Variants in SLC26A9 observed in about 807,000 individuals in gnomAD.
SLC26A9 encodes the protein anion transporter/exchanger protein 9.
Under a neutral mutation model 87.1 loss-of-function variants are expected in SLC26A9, and 46 were observed. The ratio of observed to expected loss-of-function variants is 0.53; its 90% CI spans 0.42 to 0.67. SLC26A9 has a LOEUF of 0.67. Among genes scored for constraint, SLC26A9 ranks in the 30% least tolerant of loss-of-function variants. The pLI is 0.00. For synonymous variants in SLC26A9, 437 were observed against 409.1 expected, an observed-to-expected ratio of 1.07 and a Z score of -0.82; for missense variants, 927 against 1,018.3, an observed-to-expected ratio of 0.91 and a Z score of 1.22.
At chr1:205,931,785 A>C in intron 5 of SLC26A9, 75 bp downstream of exon 5, 1 of 1,517,310 alleles carries the variant, frequency 6.6e-7, no homozygotes, top group Non-Finnish European at 8.9e-7. Context: ...CAGATTTAGC[A>C]TCAAAGCTAA....
chr1:205,921,430 A>T (rs1380196777), intron 17 of SLC26A9, 136 bp downstream of exon 17: 1 of 1,161,478 alleles, frequency 8.6e-7, no homozygotes, highest in Non-Finnish European at 1.2e-6. Context: ...GAAAGGAGGG[A>T]TTCCTAGGAG....
intron 8 of SLC26A9, 177 bp from the exon 9 acceptor site, chr1:205,928,226 C>T (rs1400444973): frequency 4.0e-6 from 3 of 750,644 alleles, no homozygotes; most frequent in African/African-American, 1.8e-5. Context: ...ACCATCACTC[C>T]TGTTTTACAA....
chr1:205,940,471 G>A (rs1310628746), intron 1 of SLC26A9, among the ~76,000 whole-genome samples: 1 of 152,116 alleles, frequency 6.6e-6, no homozygotes, highest in Non-Finnish European at 1.5e-5. Context: ...TGAAAGGCTC[G>A]GAACGGCACC....
In SLC26A9 at chr1:205,938,800, C is replaced by T. The variant is rs539430775; in HGVS notation, c.-18-2962G>A. Among the ~76,000 whole-genome samples, 4 of 152,322 alleles carry T rather than the reference C, an allele frequency of 2.6e-5. No homozygotes were observed. The East Asian group carries it at 7.7e-4, about 29-fold the overall frequency. ...AAACCCTGAAGGATTTCTCTTTCTC[C>T]CAGGATCTCCATGTGCACCCCTCCA... On this transcript the variant is annotated intron_variant, in intron 1 of 20. Coordinates refer to ENST00000367135, the MANE Select transcript of SLC26A9 (RefSeq NM_052934.4).
chr1:205,926,460 C>CAGCCCAT, intron 12 of SLC26A9, 75 bp downstream of exon 12: 2 of 1,221,714 alleles, frequency 1.6e-6, no homozygotes, highest in Non-Finnish European at 2.4e-6. Context: ...ATTGTTAGGA[C>CAGCCCAT]AGGGCTGACA....
At chr1:205,915,929 A>G (rs1332599946) in intron 20 of SLC26A9, among the ~76,000 whole-genome samples, 1 of 152,124 alleles carries the variant, frequency 6.6e-6, no homozygotes, top group East Asian at 1.9e-4. Context: ...GCTCAATGTC[A>G]AAAAGAATGG....
chr1:205,938,682 A>G (rs1659616420), intron 1 of SLC26A9, among the ~76,000 whole-genome samples: 1 of 151,912 alleles, frequency 6.6e-6, no homozygotes, highest in African/African-American at 2.4e-5. Flanking sequence ...CCCATCCTTA[A>G]GACCTGTTGA....
chr1:205,929,340 C>A lies in SLC26A9; in HGVS notation c.734G>T (p.Cys245Phe). 1 of 1,614,030 alleles carries A rather than the reference C, an allele frequency of 6.2e-7. No individual in the cohort carries two copies. The highest frequency in any genetic ancestry group is 1.3e-5 in the African/African-American group (1 of 75,052). Reference sequence around the variant, plus strand: ...GATGTTGGTGTGGGGGAGGTTTTTGCAAATGTCAATGAAGGTCTGGGGGAA... The same window carrying A: ...GATGTTGGTGTGGGGGAGGTTTTTGAAAATGTCAATGAAGGTCTGGGGGAA... ...GSIVFTFIDI[C>F]KNLPHTNIAS... is the part of the protein sequence containing the mutation. The change falls in exon 7 of 21, where the codon TGC (cysteine) becomes TTC (phenylalanine). Residue 245 changes from cysteine to phenylalanine, a missense_variant. Physicochemically the swap from Cys to Phe is radical, Grantham distance 205. Transcript: ENST00000367135.
chr1:205,924,733 C>T, intron 12 of SLC26A9: 1 of 473,016 alleles, frequency 2.1e-6, no homozygotes, highest in Non-Finnish European at 3.8e-6. Context: ...AGCCCCAGCA[C>T]ACAGGGAGGT....
intron 6 of SLC26A9, 131 bp from the exon 7 acceptor site, chr1:205,929,487 T>C: frequency 2.2e-6 from 3 of 1,389,448 alleles, no homozygotes; most frequent in Non-Finnish European, 2.9e-6. Flanking sequence ...ATTAAAACCC[T>C]GATCAGGAAC....
chr1:205,936,909 G>A (rs1040393741), intron 1 of SLC26A9, among the ~76,000 whole-genome samples: 3 of 152,180 alleles, frequency 2.0e-5, no homozygotes, highest in African/African-American at 7.2e-5. Context: ...AATGCCTTTT[G>A]TGGAAGGGTC....
In SLC26A9 at chr1:205,915,518, C is replaced by CTGTGTGTGTGTGTG. The variant is rs113527464; in HGVS notation, c.2329-128_2329-115dup. 33 of 870,218 alleles carry CTGTGTGTGTGTGTG rather than the reference C, an allele frequency of 3.8e-5. No homozygotes were observed. The African/African-American group carries it at 5.4e-4, about 14-fold the overall frequency. 53.9% of individuals were successfully genotyped at this position (870,218 alleles called of 1,614,324 possible). A position where few individuals can be genotyped will look rare whatever the true frequency, so the allele number is the denominator to read the frequency against. On this transcript the variant is annotated intron_variant, in intron 20 of 20. Coordinates refer to ENST00000367135, the MANE Select transcript of SLC26A9 (RefSeq NM_052934.4). ...GGAACCCCTGGCCAGAACAAAGCAC[C>CTGTGTGTGTGTGTG]TGTGTGTGTGTGTGTGTGTGTGTGT...
At position 205,927,243 on chromosome 1, in the gene SLC26A9, C is replaced by G. The variant is rs536916416; in HGVS notation, c.1261G>C (p.Val421Leu). The G allele has an allele frequency of 1.7e-5, 27 of 1,613,992 alleles. No individual in the cohort carries two copies. Among genetic ancestry groups the G allele is most frequent in the Non-Finnish European group, 2.2e-5 (26 of 1,180,028 alleles). ...VSLVVMITML[V>L]LGIYLYPLPK... Reference sequence around the variant, plus strand: ...AGAGGATACAGATAGATCCCCAGGACCAGCATGGTGATCATCACCACCAGA... The same window carrying G: ...AGAGGATACAGATAGATCCCCAGGAGCAGCATGGTGATCATCACCACCAGA... The change falls in exon 11 of 21, where the codon GTC (valine) becomes CTC (leucine). Residue 421 changes from valine (V) to leucine (L), a missense_variant. By Grantham distance (32) the Val-to-Leu change is conservative (BLOSUM62 1). Coordinates refer to ENST00000367135, the MANE Select transcript of SLC26A9 (RefSeq NM_052934.4).
At chr1:205,933,203 T>A in intron 2 of SLC26A9, 119 bp from the exon 3 acceptor site, 1 of 1,416,858 alleles carries the variant, frequency 7.1e-7, no homozygotes, top group South Asian at 1.3e-5. Context: ...TTCACTGAAC[T>A]GTGTGCCAGG....
intron 18 of SLC26A9, 55 bp downstream of exon 18, chr1:205,920,121 C>A (rs1353630161): frequency 7.5e-6 from 12 of 1,607,296 alleles, no homozygotes; most frequent in Admixed American, 3.3e-5. Context: ...CCAACCTGTT[C>A]CTACCCCACA....
At chr1:205,918,389 CA>C (rs1658682232) in intron 19 of SLC26A9, among the ~76,000 whole-genome samples, 1 of 152,214 alleles carries the variant, frequency 6.6e-6, no homozygotes, top group Admixed American at 6.5e-5. Context: ...CTTTATCCCT[CA>C]CCAGCCTGAA....
intron 12 of SLC26A9, among the ~76,000 whole-genome samples, chr1:205,926,175 A>G (rs969194470): frequency 6.6e-6 from 1 of 152,184 alleles, no homozygotes; most frequent in Admixed American, 6.5e-5. Flanking sequence ...AAGTAGTCAT[A>G]GCTAAGCTTT....
chr1:205,928,681 C>T lies in SLC26A9; in HGVS notation c.953+146G>A, dbSNP rs186735688. The stretch of plus-strand genomic sequence containing the variant: ...TGGTTGTGCGGCCCTTCTCAGGAAA[C>T]GGTAATAGTAATAATTCATACATGG... On this transcript the variant is annotated intron_variant, in intron 8 of 20. Coordinates refer to ENST00000367135, the MANE Select transcript of SLC26A9 (RefSeq NM_052934.4). The T allele has an allele frequency of 7.0e-4, 517 of 736,868 alleles. 4 individuals are homozygous for T. Among genetic ancestry groups the T allele is most frequent in the South Asian group, 1.7e-4 (9 of 53,786 alleles). 45.6% of individuals were successfully genotyped at this position (736,868 alleles called of 1,614,324 possible). A position where few individuals can be genotyped will look rare whatever the true frequency, so the allele number is the denominator to read the frequency against.
chr1:205,938,611 T>C (rs1268350983), intron 1 of SLC26A9, among the ~76,000 whole-genome samples: 1 of 152,196 alleles, frequency 6.6e-6, no homozygotes, highest in Non-Finnish European at 1.5e-5. Flanking sequence ...AGCCTGAGTC[T>C]CTGTTCCCAC....
Sources: allele counts gnomAD v4.1 joint callset (sites outside exome capture counted in the v4.1 genomes callset), GRCh38; gene constraint gnomAD v4.1.1; transcripts MANE v1.5; gene names NCBI Gene and HGNC (gene_info 2026-07-23, HGNC 2026-07-21).